The following ZNF710 variants were observed in gnomAD, a reference collection of about 807,000 sequenced individuals.
The protein encoded by ZNF710 is zinc finger protein 710.
Under a neutral mutation model 50.6 loss-of-function variants are expected in ZNF710, and 13 were observed. The observed-to-expected ratio is 0.26, with a 90% confidence interval of 0.17 to 0.41. The LOEUF is 0.41. Ranked by LOEUF, ZNF710 falls within the 10% of genes least tolerant of loss-of-function variation. The probability of loss-of-function intolerance (pLI) is 1.00; values close to 1 mark genes in which losing one functional copy is unlikely to be tolerated. For missense variants in ZNF710, 721 were observed against 936.6 expected (o/e 0.77, Z 3.01); for synonymous variants, 383 against 397.0 (o/e 0.96, Z 0.42).
Position 90,067,039 on chromosome 15 carries a change from C to T in ZNF710, c.-28-71C>T, listed in dbSNP as rs1900189654. ...CACCCAAAATCAGCCAAGCCCTTGT[C>T]TGTGCTGTGTCTGTTGTCTGTCTGT... On this transcript the variant is annotated intron_variant, in intron 1 of 4. Transcript: ENST00000268154. This position sits in a 1 kb window ranked among gnomAD's most constrained non-coding sequence, Gnocchi z 8.1. 1 of 1,477,154 alleles carries T rather than the reference C, an allele frequency of 6.8e-7. No homozygotes were observed. The highest frequency in any genetic ancestry group is 9.0e-7 in the Non-Finnish European group (1 of 1,112,230). The allele number at this position is 1,477,154 out of a possible 1,614,324, so 91.5% of individuals were successfully genotyped here.
At chr15:90,038,418 G>T (rs117957603) in intron 1 of ZNF710, among the ~76,000 whole-genome samples, 2 of 152,232 alleles carry the variant, frequency 1.3e-5, no homozygotes, top group African/African-American at 4.8e-5. Flanking sequence ...TCTCTTTCAC[G>T]TGGTTTTGCT....
intron 1 of ZNF710, among the ~76,000 whole-genome samples, chr15:90,044,527 C>G (rs1003883267): frequency 6.2e-4 from 95 of 152,224 alleles, no homozygotes; most frequent in Non-Finnish European, 2.9e-5. Flanking sequence ...GTTTGGCAGC[C>G]TGTGTTGACA....
rs745520650 is a variant in ZNF710, at chr15:90,067,046, G to A, written c.-28-64G>A. 7 of 1,492,138 alleles carry A rather than the reference G, an allele frequency of 4.7e-6. No homozygotes were observed. The highest frequency in any genetic ancestry group is 5.4e-6 in the Non-Finnish European group (6 of 1,121,186). 92.4% of individuals were successfully genotyped at this position (1,492,138 alleles called of 1,614,324 possible). A position where few individuals can be genotyped will look rare whatever the true frequency, so the allele number is the denominator to read the frequency against. On this transcript the variant is annotated intron_variant, in intron 1 of 4. Transcript: ENST00000268154. This position sits in a 1 kb window ranked among gnomAD's most constrained non-coding sequence, Gnocchi z 8.1. ...AATCAGCCAAGCCCTTGTCTGTGCT[G>A]TGTCTGTTGTCTGTCTGTGCAGGAG... is the stretch of plus-strand genomic sequence containing the variant.
chr15:90,041,990 C>T (rs1277234106), intron 1 of ZNF710, among the ~76,000 whole-genome samples: 1 of 151,112 alleles, frequency 6.6e-6, no homozygotes, highest in Non-Finnish European at 1.5e-5. Flanking sequence ...CACTGCATCC[C>T]GGGTTCAAGT....
At position 90,073,169 on chromosome 15, in the gene ZNF710, C is replaced by T. The variant is rs767566771; in HGVS notation, c.1557C>T (p.Tyr519=). The stretch of plus-strand genomic sequence containing the variant: ...TGATCCACACCAGCGTCCGGCCCTA[C>T]CAGTGCCACATCTGCTTCAAGACCT... The part of the protein sequence containing the change: ...HMLIHTSVRP[Y]QCHICFKTFV... Residue 519 remains tyrosine (Y), a synonymous_variant, in exon 3 of 5, where the codon TAC becomes TAT. Transcript: ENST00000268154. 4 of 1,614,086 alleles carry T rather than the reference C, an allele frequency of 2.5e-6. No homozygotes were observed. Among genetic ancestry groups the T allele is most frequent in the African/African-American group, 1.3e-5 (1 of 74,932 alleles).
upstream of ZNF710, among the ~76,000 whole-genome samples, chr15:90,001,003 G>C (rs950189614): frequency 2.0e-5 from 3 of 151,852 alleles, no homozygotes; most frequent in African/African-American, 7.3e-5. Context: ...AAAAGAGAGA[G>C]AGAGAAAGAA....
At chr15:90,039,381 T>A (rs371955412) in intron 1 of ZNF710, among the ~76,000 whole-genome samples, 25 of 152,042 alleles carry the variant, frequency 1.6e-4, no homozygotes, top group East Asian at 9.7e-4. Context: ...TTCTGAGAGG[T>A]TGAGGCCATG....
Position 90,071,208 on chromosome 15 carries a change from C to T in ZNF710, c.1459-1863C>T, listed in dbSNP as rs140509432. Among the ~76,000 whole-genome samples, 758 of 151,374 alleles carry T rather than the reference C, an allele frequency of 5.0e-3. 5 individuals are homozygous for T. Among genetic ancestry groups the T allele is most frequent in the African/African-American group, 0.017 (688 of 41,146 alleles). On this transcript the variant is annotated intron_variant, in intron 2 of 4. Coordinates refer to ENST00000268154, the MANE Select transcript of ZNF710 (RefSeq NM_198526.4). ...CCCGGGAGGCAGAGGTTGCAGTGAG[C>T]CAAGACCGTGCCGCTGTACTCTAGC...
chr15:90,079,942 T>G lies in ZNF710; in HGVS notation c.*113T>G. 1 of 1,049,290 alleles carries G rather than the reference T, an allele frequency of 9.5e-7. No homozygotes were observed. Among genetic ancestry groups the G allele is most frequent in the Non-Finnish European group, 1.3e-6 (1 of 758,710 alleles). 65.0% of individuals were successfully genotyped at this position (1,049,290 alleles called of 1,614,324 possible). A position where few individuals can be genotyped will look rare whatever the true frequency, so the allele number is the denominator to read the frequency against. On this transcript the variant is annotated 3_prime_UTR_variant, in exon 5 of 5. Transcript: ENST00000268154. ...GAAACAAGCTACTGCCCCACTGTTCTGAGCCCTCCCTCCCCGAGTCATTTG... is the reference window on the plus strand; with the variant it reads ...GAAACAAGCTACTGCCCCACTGTTCGGAGCCCTCCCTCCCCGAGTCATTTG...
chr15:90,028,940 A>C (rs1898855328), intron 1 of ZNF710, among the ~76,000 whole-genome samples: 1 of 152,224 alleles, frequency 6.6e-6, no homozygotes, highest in Admixed American at 6.5e-5. Flanking sequence ...AGAAATACAC[A>C]AGAAGTGGTT....
At chr15:90,014,605 A>C (rs893598353) in intron 1 of ZNF710, among the ~76,000 whole-genome samples, 1 of 152,086 alleles carries the variant, frequency 6.6e-6, no homozygotes, top group Non-Finnish European at 1.5e-5. Context: ...AAACAAAATA[A>C]ATTTCAGTTG....
At chr15:90,006,096 G>C (rs542120448) in intron 1 of ZNF710, among the ~76,000 whole-genome samples, 2 of 152,198 alleles carry the variant, frequency 1.3e-5, no homozygotes, top group South Asian at 4.2e-4. Context: ...CTGCAGCAGA[G>C]GGAGGCTGGT....
rs1000534747 is a variant in ZNF710 at position 90,034,147 on chromosome 15, G to A, written c.-29+32533G>A. Among the ~76,000 whole-genome samples, 8 of 152,034 alleles carry A rather than the reference G, an allele frequency of 5.3e-5. No homozygotes were observed. Among genetic ancestry groups the A allele is most frequent in the Admixed American group, 1.3e-4 (2 of 15,268 alleles). On this transcript the variant is annotated intron_variant, in intron 1 of 4. Coordinates refer to ENST00000268154, the MANE Select transcript of ZNF710 (RefSeq NM_198526.4). This position sits in a 1 kb window ranked among gnomAD's most constrained non-coding sequence, Gnocchi z 4.0. ...CAGGAGGCAGAGGTTGCAGTGAGCC[G>A]AGATCGCATCATTGTACTCCAGCCT...
rs1282027319 is a variant in ZNF710 at position 90,067,527 on chromosome 15, C to T, written c.390C>T (p.Asp130=). ...EVYEVSVPGD[D]KDAGPAEAPA... is the part of the protein sequence containing the mutation. ...ATGAGGTTTCTGTGCCAGGTGACGA[C>T]AAGGACGCAGGGCCAGCAGAAGCCC... Residue 130 remains aspartate (D), a synonymous_variant, in exon 2 of 5, where the codon GAC becomes GAT. Coordinates refer to ENST00000268154, the MANE Select transcript of ZNF710 (RefSeq NM_198526.4). This position sits in a 1 kb window ranked among gnomAD's most constrained non-coding sequence, Gnocchi z 8.1. The T allele has an allele frequency of 1.2e-6, 2 of 1,613,244 alleles. No individual in the cohort carries two copies. The highest frequency in any genetic ancestry group is 2.7e-5 in the African/African-American group (2 of 74,936).
chr15:90,078,709 G>A (rs1900650529), intron 4 of ZNF710, among the ~76,000 whole-genome samples: 1 of 152,206 alleles, frequency 6.6e-6, no homozygotes, highest in Non-Finnish European at 1.5e-5. Context: ...ACAATGCACA[G>A]GACAGCCTCA....
intron 1 of ZNF710, among the ~76,000 whole-genome samples, chr15:90,008,504 C>T (rs1301037528): frequency 7.1e-6 from 1 of 140,302 alleles, no homozygotes; most frequent in Non-Finnish European, 1.5e-5. Flanking sequence ...GGTTGGAGGC[C>T]GGGCACAGTG....
At chr15:90,046,598 A>G (rs986897797) in intron 1 of ZNF710, among the ~76,000 whole-genome samples, 1 of 152,102 alleles carries the variant, frequency 6.6e-6, no homozygotes, top group Non-Finnish European at 1.5e-5. Context: ...ACTCATCAGT[A>G]GTGACCAGAC....
chr15:90,021,405 G>A (rs1898618064), intron 1 of ZNF710, among the ~76,000 whole-genome samples: 1 of 152,192 alleles, frequency 6.6e-6, no homozygotes, highest in Non-Finnish European at 1.5e-5. Flanking sequence ...ATGGGTTCAT[G>A]AGCCTACTTT....
chr15:90,015,811 A>G (rs993083323), intron 1 of ZNF710, among the ~76,000 whole-genome samples: 3 of 152,116 alleles, frequency 2.0e-5, no homozygotes, highest in African/African-American at 7.2e-5. Context: ...AGGTCTCACT[A>G]TATTGCCCAG....
Sources: gnomAD v4.1 joint callset for allele counts (sites outside exome capture counted in the v4.1 genomes callset) on GRCh38, gnomAD v4.1.1 for gene constraint, Gnocchi (gnomAD v3.1) non-coding constraint, MANE v1.5 for transcripts, NCBI Gene and HGNC (gene_info 2026-07-23, HGNC 2026-07-21) for gene names.